Variants in LPP observed in about 807,000 individuals in gnomAD.
The protein encoded by LPP is lipoma-preferred partner.
Under a neutral mutation model 60.4 loss-of-function variants are expected in LPP, and 38 were observed. That is an observed-to-expected ratio of 0.63 (90% confidence interval 0.49 to 0.83). The LOEUF (loss-of-function observed/expected upper bound fraction) is 0.83, where lower values mean the gene tolerates loss of function less well. LPP is among the 40% of genes least tolerant of loss of function. The pLI, the probability that LPP is intolerant of heterozygous loss-of-function variation, is 0.00. For synonymous variants in LPP, 328 were observed against 290.8 expected, an observed-to-expected ratio of 1.13 and a Z score of -1.30; for missense variants, 902 against 783.6, an observed-to-expected ratio of 1.15 and a Z score of -1.80.
rs1769083324 is a variant in LPP at position 188,875,015 on chromosome 3, T to C, written c.*536T>C. 4.5e-6 allele frequency: 1 copy of C among 223,570 alleles called. No individual in the cohort carries two copies. Among genetic ancestry groups the C allele is most frequent in the South Asian group, 1.8e-4 (1 of 5,484 alleles). 13.8% of individuals were successfully genotyped at this position (223,570 alleles called of 1,614,324 possible). A position where few individuals can be genotyped will look rare whatever the true frequency, so the allele number is the denominator to read the frequency against. On this transcript the variant is annotated 3_prime_UTR_variant, in exon 12 of 12. Coordinates refer to ENST00000617246, the MANE Select transcript of LPP (RefSeq NM_001375462.1). The stretch of plus-strand genomic sequence containing the variant: ...GGGGAGGGAAATGCACAATTTTTTT[T>C]TGTTAGGCTGTAAAGAATTTAAGCT...
At chr3:188,840,964 T>C (rs570413736) in intron 9 of LPP, among the ~76,000 whole-genome samples, 1 of 152,140 alleles carries the variant, frequency 6.6e-6, no homozygotes, top group South Asian at 2.1e-4. Flanking sequence ...CTTGGGAAAA[T>C]GCTACTCTGT....
At chr3:188,437,085 C>G (rs555655002) in intron 4 of LPP, among the ~76,000 whole-genome samples, 3 of 152,114 alleles carry the variant, frequency 2.0e-5, no homozygotes, top group African/African-American at 7.2e-5. Context: ...AGAACCATAC[C>G]TTATTTAGCC....
chr3:188,168,165 G>A (rs762388902), intron 1 of LPP, among the ~76,000 whole-genome samples: 18 of 152,184 alleles, frequency 1.2e-4, no homozygotes, highest in Non-Finnish European at 2.5e-4. Flanking sequence ...TGCCAGGCAC[G>A]TGCTGCACAT....
chr3:188,367,315 C>T (rs1329433723), intron 3 of LPP, among the ~76,000 whole-genome samples: 1 of 151,978 alleles, frequency 6.6e-6, no homozygotes, highest in South Asian at 2.1e-4. Context: ...AGAACCCAGT[C>T]CTTATAGAGT....
intron 9 of LPP, among the ~76,000 whole-genome samples, chr3:188,802,747 G>T (rs150183522): frequency 6.6e-6 from 1 of 151,914 alleles, no homozygotes; most frequent in South Asian, 2.1e-4. Context: ...TTGCACCACC[G>T]CACTCCAACC....
chr3:188,549,855 C>T (rs1827617777), intron 6 of LPP, among the ~76,000 whole-genome samples: 1 of 152,176 alleles, frequency 6.6e-6, no homozygotes, highest in African/African-American at 2.4e-5. Context: ...CAGCCTCGCA[C>T]ATCAATTCTC....
intron 6 of LPP, among the ~76,000 whole-genome samples, chr3:188,592,611 C>A (rs759210473): frequency 2.9e-5 from 4 of 138,002 alleles, no homozygotes; most frequent in Non-Finnish European, 6.1e-5. Context: ...GTGGGGCTAT[C>A]TTAGCTCACT....
At chr3:188,326,727 A>G (rs1578123368) in intron 2 of LPP, among the ~76,000 whole-genome samples, 1 of 152,332 alleles carries the variant, frequency 6.6e-6, no homozygotes, top group South Asian at 2.1e-4. Flanking sequence ...TTATATATTT[A>G]TAAAGACATT....
intron 4 of LPP, among the ~76,000 whole-genome samples, chr3:188,459,847 G>C (rs1056682916): frequency 5.3e-5 from 8 of 151,936 alleles, no homozygotes; most frequent in Non-Finnish European, 1.0e-4. Flanking sequence ...CATGGGGGGG[G>C]GTTCTTTGTT....
At chr3:188,846,619 G>C (rs1235324953) in intron 9 of LPP, among the ~76,000 whole-genome samples, 1 of 149,266 alleles carries the variant, frequency 6.7e-6, no homozygotes, top group Non-Finnish European at 1.5e-5. Context: ...AGGAGGTGGA[G>C]GTTGCAGTGA....
intron 9 of LPP, among the ~76,000 whole-genome samples, chr3:188,824,474 C>A (rs1208005209): frequency 2.0e-5 from 3 of 152,194 alleles, no homozygotes; most frequent in African/African-American, 2.4e-5. Flanking sequence ...TGCAGAAGAA[C>A]TATTCCATTA....
chr3:188,836,624 A>T (rs1402942793), intron 9 of LPP, among the ~76,000 whole-genome samples: 1 of 152,240 alleles, frequency 6.6e-6, no homozygotes, highest in Admixed American at 6.5e-5. Context: ...GAGCTGCTTA[A>T]TTCTATTAGA....
At chr3:188,184,815 A>C (rs1254210801) in intron 1 of LPP, among the ~76,000 whole-genome samples, 1 of 151,772 alleles carries the variant, frequency 6.6e-6, no homozygotes, top group Admixed American at 6.6e-5. Flanking sequence ...ACTAAGAGTT[A>C]GCCTGAAGGA....
intron 2 of LPP, among the ~76,000 whole-genome samples, chr3:188,324,974 T>C (rs190501162): frequency 1.3e-5 from 2 of 152,236 alleles, no homozygotes; most frequent in African/African-American, 4.8e-5. Flanking sequence ...TTCTCTCCTT[T>C]TTTTTTCTTT....
intron 7 of LPP, among the ~76,000 whole-genome samples, chr3:188,681,323 C>T (rs190336845): frequency 3.9e-5 from 6 of 152,272 alleles, no homozygotes; most frequent in Admixed American, 1.3e-4. Context: ...TAGGAGCTAC[C>T]GAGTACCAGA....
At position 188,449,841 on chromosome 3, in the gene LPP, G is replaced by A. The variant is rs138651879; in HGVS notation, c.194-34751G>A. ...TTATTTTGAGACAGAGTCTCGTTCT[G>A]TCACCCAGGCTGGAGTGCAGTGGCA... On this transcript the variant is annotated intron_variant, in intron 4 of 11. Transcript: ENST00000617246. Among the ~76,000 whole-genome samples the A allele has an allele frequency of 4.4e-4, 67 of 152,180 alleles. 1 individual carries two copies. The highest frequency in any genetic ancestry group is 1.5e-3 in the African/African-American group (64 of 41,538).
chr3:188,539,316 A>G (rs1824496703), intron 6 of LPP, among the ~76,000 whole-genome samples: 1 of 152,224 alleles, frequency 6.6e-6, no homozygotes, highest in Non-Finnish European at 1.5e-5. Context: ...TTAAGCGTAC[A>G]TGGTAAGAAA....
At chr3:188,690,840 T>C (rs1297648728) in intron 7 of LPP, among the ~76,000 whole-genome samples, 1 of 152,200 alleles carries the variant, frequency 6.6e-6, no homozygotes, top group Non-Finnish European at 1.5e-5. Flanking sequence ...GGCCTCTATT[T>C]GTAGAAGGAT....
intron 9 of LPP, among the ~76,000 whole-genome samples, chr3:188,766,125 C>T (rs1196331741): frequency 2.6e-5 from 4 of 151,840 alleles, no homozygotes; most frequent in Admixed American, 6.6e-5. Context: ...ACTGCCTTGG[C>T]CTCCCAAAGT....
Sources: allele counts gnomAD v4.1 joint callset (sites outside exome capture counted in the v4.1 genomes callset), GRCh38; gene constraint gnomAD v4.1.1; transcripts MANE v1.5; gene names NCBI Gene and HGNC (gene_info 2026-07-23, HGNC 2026-07-21).